FARP1: variants seen among roughly 807,000 people sequenced by gnomAD.
FARP1 encodes the protein FERM, ARH/RhoGEF and pleckstrin domain protein 1.
Under a neutral mutation model 128.8 loss-of-function variants are expected in FARP1, and 52 were observed. The observed-to-expected ratio is 0.40, with a 90% confidence interval of 0.32 to 0.51. The LOEUF (loss-of-function observed/expected upper bound fraction) is 0.51. Among genes scored for constraint, FARP1 ranks in the 20% least tolerant of loss-of-function variants. The pLI is 0.45. For missense variants in FARP1, 1,333 were observed against 1,367.9 expected (o/e 0.97, Z 0.40); for synonymous variants, 580 against 551.8 (o/e 1.05, Z -0.72).
intron 13 of FARP1, chr13:98,404,423 A>G (rs1254934044): frequency 1.3e-5 from 2 of 152,098 alleles, no homozygotes; most frequent in Non-Finnish European, 2.9e-5. Flanking sequence ...CAACTTAGAT[A>G]TCAGACGCTA....
intron 18 of FARP1, chr13:98,434,330 C>CCA (rs1180523183): frequency 1.3e-5 from 2 of 152,188 alleles, no homozygotes; most frequent in African/African-American, 4.8e-5. Context: ...ACTGGGTGGT[C>CCA]ATGTCTGAAA....
rs1888067904 is a variant in FARP1, at chr13:98,343,786, C to T, written c.196C>T (p.Leu66=). The T allele has an allele frequency of 6.2e-7, 1 of 1,613,936 alleles. No homozygotes were observed. The highest frequency in any genetic ancestry group is 8.5e-7 in the Non-Finnish European group (1 of 1,179,830). ...VPQRAPGKVL[L]DAVCNHLNLV... is the part of the protein sequence containing the mutation. ...GCAAAGAGCTCCTGGGAAGGTGCTG[C>T]TGGATGCAGTTTGCAACCACCTCAA... Residue 66 remains leucine, a synonymous_variant, in exon 3 of 27, where the codon CTG becomes TTG. Coordinates refer to ENST00000319562, the MANE Select transcript of FARP1 (RefSeq NM_005766.4).
chr13:98,378,741 C>T (rs991790897), intron 6 of FARP1, among the ~76,000 whole-genome samples: 2 of 150,770 alleles, frequency 1.3e-5, no homozygotes, highest in Non-Finnish European at 2.9e-5. Flanking sequence ...TAGTCTGATA[C>T]AGTAAGGTGT....
At chr13:98,368,434 A>T (rs926982269) in intron 5 of FARP1, among the ~76,000 whole-genome samples, 1 of 152,220 alleles carries the variant, frequency 6.6e-6, no homozygotes, top group Non-Finnish European at 1.5e-5. Context: ...TCCTGGGCTT[A>T]TACTCTGTTA....
In FARP1 at chr13:98,379,172, CTATATATAATATATATAATATATAATA is replaced by C. The variant is rs1321418113; in HGVS notation, c.496+1270_496+1296del. Among the ~76,000 whole-genome samples the C allele has an allele frequency of 3.7e-3, 311 of 83,268 alleles. 39 individuals are homozygous for C. The East Asian group carries it at 0.049, about 13-fold the overall frequency. 54.6% of individuals were successfully genotyped at this position (83,268 alleles called of 152,430 possible). A position where few individuals can be genotyped will look rare whatever the true frequency, so the allele number is the denominator to read the frequency against. On this transcript the variant is annotated intron_variant, in intron 6 of 26. Transcript: ENST00000319562. The stretch of plus-strand genomic sequence containing the variant: ...ATATAATATATATATAATATATAAT[CTATATATAATATATATAATATATAATA>C]TATATATAATATATAATATATAATC...
intron 2 of FARP1, among the ~76,000 whole-genome samples, chr13:98,216,981 A>C (rs1169244543): frequency 6.6e-6 from 1 of 152,180 alleles, no homozygotes; most frequent in Non-Finnish European, 1.5e-5. Flanking sequence ...TATGAAACAG[A>C]GTGACTCTTG....
At chr13:98,228,785 G>T (rs1341880900) in intron 2 of FARP1, among the ~76,000 whole-genome samples, 2 of 152,062 alleles carry the variant, frequency 1.3e-5, no homozygotes, top group Non-Finnish European at 2.9e-5. Flanking sequence ...CTTCTTGCAT[G>T]ATTTGCTTGG....
intron 2 of FARP1, among the ~76,000 whole-genome samples, chr13:98,335,870 A>G (rs1594416573): frequency 6.6e-6 from 1 of 152,224 alleles, no homozygotes; most frequent in Non-Finnish European, 1.5e-5. Context: ...GGCCTTCGAG[A>G]CCAGCCATTC....
At chr13:98,339,215 C>T (rs1209991894) in intron 2 of FARP1, among the ~76,000 whole-genome samples, 5 of 152,156 alleles carry the variant, frequency 3.3e-5, no homozygotes. Flanking sequence ...TCCACAGCCT[C>T]TTCAGGAAGC....
intron 1 of FARP1, among the ~76,000 whole-genome samples, chr13:98,165,485 G>C (rs1171681016): frequency 6.6e-6 from 1 of 151,932 alleles, no homozygotes; most frequent in Non-Finnish European, 1.5e-5. Context: ...GTTCAGGACA[G>C]TTGACCCTTT....
chr13:98,289,997 C>T (rs754152981), intron 2 of FARP1, among the ~76,000 whole-genome samples: 55 of 152,102 alleles, frequency 3.6e-4, no homozygotes, highest in Non-Finnish European at 8.8e-5. Context: ...CCCACAACAC[C>T]CCCATTTTAC....
rs1893108732 is a variant in FARP1, at chr13:98,449,973, A to AAGTC, written c.*1658_*1661dup. 6.6e-6 allele frequency: 1 copy of AAGTC among 152,204 alleles called. No individual in the cohort carries two copies. Among genetic ancestry groups the AAGTC allele is most frequent in the Non-Finnish European group, 1.5e-5 (1 of 68,064 alleles). 9.4% of individuals were successfully genotyped at this position (152,204 alleles called of 1,614,324 possible). On this transcript the variant is annotated 3_prime_UTR_variant, in exon 27 of 27. Coordinates refer to ENST00000319562, the MANE Select transcript of FARP1 (RefSeq NM_005766.4). Reference sequence around the variant, plus strand: ...CACAGCAGCATCAGGCTCCCTCCAGAAGTCACCACTCACTCATTCCTGGAG... The same window carrying AAGTC: ...CACAGCAGCATCAGGCTCCCTCCAGAAGTCAGTCACCACTCACTCATTCCTGGAG...
rs371823969 is a variant in FARP1, at chr13:98,403,947, T to C, written c.1415-5391T>C. On this transcript the variant is annotated intron_variant, in intron 13 of 26. Coordinates refer to ENST00000319562, the MANE Select transcript of FARP1 (RefSeq NM_005766.4). ...CTGAAGCTTTGTCCTGAGTACAAGA[T>C]GGTATTTTTCATTGGTACGAAGCAC... 3.5e-4 allele frequency: 54 copies of C among 152,990 alleles called. 1 individual carries two copies. The highest frequency in any genetic ancestry group is 2.7e-3 in the South Asian group (15 of 5,558). The allele number at this position is 152,990 out of a possible 1,614,324, so 9.5% of individuals were successfully genotyped here. A position where few individuals can be genotyped will look rare whatever the true frequency, so the allele number is the denominator to read the frequency against.
intron 8 of FARP1, among the ~76,000 whole-genome samples, chr13:98,386,698 C>G (rs547830585): frequency 1.3e-5 from 2 of 152,270 alleles, no homozygotes; most frequent in Admixed American, 6.5e-5. Flanking sequence ...CCGCCTTTCT[C>G]ATGAAATAGG....
intron 3 of FARP1, among the ~76,000 whole-genome samples, chr13:98,359,847 G>A (rs963904353): frequency 6.6e-6 from 1 of 152,204 alleles, no homozygotes; most frequent in African/African-American, 2.4e-5. Flanking sequence ...CTAATGATGT[G>A]CAAAGCACAC....
chr13:98,276,436 C>A (rs1475935407), intron 2 of FARP1, among the ~76,000 whole-genome samples: 15 of 151,764 alleles, frequency 9.9e-5, no homozygotes. Context: ...TGAAAAAAAG[C>A]AAAACACAAG....
intron 2 of FARP1, chr13:98,340,640 C>G (rs1887928309): frequency 6.6e-6 from 1 of 152,218 alleles, no homozygotes; most frequent in African/African-American, 2.4e-5. Context: ...GCCACCATGC[C>G]CGGCCTATAA....
At chr13:98,278,293 T>A (rs1338407733) in intron 2 of FARP1, among the ~76,000 whole-genome samples, 1 of 126,358 alleles carries the variant, frequency 7.9e-6, no homozygotes, top group African/African-American at 4.2e-5. Flanking sequence ...TGTGTATGTA[T>A]GTGTGTGTGT....
chr13:98,428,650 C>A (rs908597713), intron 17 of FARP1, among the ~76,000 whole-genome samples: 2 of 152,182 alleles, frequency 1.3e-5, no homozygotes, highest in Non-Finnish European at 2.9e-5. Context: ...CTCTCCAGAC[C>A]CTGCTCCCAA....
Sources: allele counts gnomAD v4.1 joint callset (sites outside exome capture counted in the v4.1 genomes callset), GRCh38; gene constraint gnomAD v4.1.1; transcripts MANE v1.5; gene names NCBI Gene and HGNC (gene_info 2026-07-23, HGNC 2026-07-21).